NALF1: variants seen among roughly 807,000 people sequenced by gnomAD.
NALF1 encodes NALCN channel auxiliary factor 1, also known as family with sequence similarity 155 member A.
In NALF1, 3 loss-of-function variants were observed where a neutral mutation model predicts 48.4. The ratio of observed to expected loss-of-function variants is 0.06; its 90% CI spans 0.03 to 0.16. The LOEUF (loss-of-function observed/expected upper bound fraction) is 0.16. NALF1 is among the 10% of genes least tolerant of loss of function. The probability of loss-of-function intolerance (pLI) is 1.00; values close to 1 mark genes in which losing one functional copy is unlikely to be tolerated. For synonymous variants in NALF1, 262 were observed against 245.7 expected (o/e 1.07, Z -0.62); for missense variants, 526 against 571.5 (o/e 0.92, Z 0.81).
At chr13:107,634,233 C>A (rs1879914866) in intron 1 of NALF1, among the ~76,000 whole-genome samples, 1 of 151,818 alleles carries the variant, frequency 6.6e-6, no homozygotes, top group Non-Finnish European at 1.5e-5. Flanking sequence ...GACTAACTGC[C>A]TAGTTTACTC....
At chr13:107,523,247 C>T (rs1876306326) in intron 1 of NALF1, among the ~76,000 whole-genome samples, 1 of 152,140 alleles carries the variant, frequency 6.6e-6, no homozygotes, top group African/African-American at 2.4e-5. Context: ...AAAACATTGC[C>T]ATCAAACATT....
chr13:107,336,762 T>A (rs1882565489), intron 1 of NALF1, among the ~76,000 whole-genome samples: 1 of 152,178 alleles, frequency 6.6e-6, no homozygotes, highest in Non-Finnish European at 1.5e-5. Flanking sequence ...AGTCTAATTA[T>A]AAATTTAGGT....
intron 1 of NALF1, among the ~76,000 whole-genome samples, chr13:107,374,871 G>A (rs1185043089): frequency 6.6e-6 from 1 of 152,092 alleles, no homozygotes; most frequent in Non-Finnish European, 1.5e-5. Context: ...CCAGATGTGG[G>A]TTTCTCAGTC....
intron 1 of NALF1, among the ~76,000 whole-genome samples, chr13:107,272,574 C>T (rs984576554): frequency 6.6e-6 from 1 of 151,684 alleles, no homozygotes; most frequent in Non-Finnish European, 1.5e-5. Context: ...TCTTCACTTA[C>T]ATTTATATGA....
At chr13:107,371,725 T>C (rs1883251771) in intron 1 of NALF1, among the ~76,000 whole-genome samples, 1 of 152,160 alleles carries the variant, frequency 6.6e-6, no homozygotes, top group South Asian at 2.1e-4. Flanking sequence ...TGTACAGACC[T>C]TGAGAAGTCG....
chr13:107,499,967 C>T (rs375242698), intron 1 of NALF1, among the ~76,000 whole-genome samples: 4 of 151,998 alleles, frequency 2.6e-5, no homozygotes, highest in East Asian at 1.9e-4. Flanking sequence ...CCATTTAAAA[C>T]GTCAGATATA....
At chr13:107,799,889 T>C (rs1878549091) in intron 1 of NALF1, among the ~76,000 whole-genome samples, 1 of 152,130 alleles carries the variant, frequency 6.6e-6, no homozygotes, top group Non-Finnish European at 1.5e-5. Flanking sequence ...TTCAGTTACA[T>C]ATTTTGTAAC....
intron 1 of NALF1, among the ~76,000 whole-genome samples, chr13:107,843,654 C>T (rs1057168147): frequency 1.3e-5 from 2 of 152,212 alleles, no homozygotes; most frequent in Admixed American, 6.6e-5. Context: ...CTTATTTCAG[C>T]TTTGTTTTCC....
chr13:107,588,579 T>C (rs1878520701), intron 1 of NALF1, among the ~76,000 whole-genome samples: 1 of 152,122 alleles, frequency 6.6e-6, no homozygotes, highest in African/African-American at 2.4e-5. Flanking sequence ...GAAGGCTGTT[T>C]GGTGCCTGTA....
At chr13:107,492,628 C>T (rs1182430848) in intron 1 of NALF1, among the ~76,000 whole-genome samples, 2 of 152,136 alleles carry the variant, frequency 1.3e-5, no homozygotes, top group South Asian at 2.1e-4. Flanking sequence ...TTCTAATTGG[C>T]TATTTAATTT....
intron 1 of NALF1, among the ~76,000 whole-genome samples, chr13:107,408,778 G>A (rs923697723): frequency 1.3e-5 from 2 of 152,072 alleles, no homozygotes; most frequent in Non-Finnish European, 2.9e-5. Context: ...ACTACACAGT[G>A]AATAAATGAT....
At chr13:107,298,402 A>G (rs1359319416) in intron 1 of NALF1, among the ~76,000 whole-genome samples, 2 of 149,780 alleles carry the variant, frequency 1.3e-5, no homozygotes, top group African/African-American at 2.4e-5. Flanking sequence ...ACACACACAC[A>G]TACATATACA....
chr13:107,866,000 C>A lies in NALF1; in HGVS notation c.597G>T (p.Ala199=). ...AVCARNWSRG[A]AGGDGQEVRS... ...TCACCTCCTGCCCGTCCCCCCCGGC[C>A]GCCCCCCGACTCCAGTTCCTGGCGC... The change falls in exon 1 of 3, where the codon GCG becomes GCT. Residue 199 remains alanine, a synonymous_variant. Transcript: ENST00000375915. The A allele has an allele frequency of 1.2e-6, 2 of 1,612,178 alleles. No individual in the cohort carries two copies. The highest frequency in any genetic ancestry group is 1.7e-6 in the Non-Finnish European group (2 of 1,179,910).
intron 1 of NALF1, among the ~76,000 whole-genome samples, chr13:107,684,102 C>T (rs767485044): frequency 8.5e-5 from 13 of 152,164 alleles, no homozygotes; most frequent in Admixed American, 2.0e-4. Context: ...CAGGCAAGGG[C>T]GAGCCACCAG....
chr13:107,556,887 G>A (rs973637676), intron 1 of NALF1, among the ~76,000 whole-genome samples: 1 of 152,140 alleles, frequency 6.6e-6, no homozygotes, highest in African/African-American at 2.4e-5. Context: ...GAGAACTAGG[G>A]GGATTAGGAG....
intron 1 of NALF1, among the ~76,000 whole-genome samples, chr13:107,448,402 A>T (rs1181524889): frequency 2.0e-5 from 3 of 152,164 alleles, no homozygotes; most frequent in African/African-American, 7.2e-5. Context: ...ATGTTATGAA[A>T]GTATGAGAGA....
intron 1 of NALF1, among the ~76,000 whole-genome samples, chr13:107,658,030 C>A (rs2138473887): frequency 6.6e-6 from 1 of 152,298 alleles, no homozygotes; most frequent in African/African-American, 2.4e-5. Flanking sequence ...TTTGGAGGCA[C>A]TTTGTCTCCT....
At position 107,684,175 on chromosome 13, in the gene NALF1, C is replaced by A. The variant is rs544724887; in HGVS notation, c.915+181507G>T. ...CGCTCTGTTTTACCAACCTCCAGCA[C>A]CCGCAGGAAGATTAACCCCCAGCTC... On this transcript the variant is annotated intron_variant, in intron 1 of 2. Transcript: ENST00000375915. 2.0e-5 allele frequency among the ~76,000 whole-genome samples: 3 copies of A among 152,322 alleles called. No individual in the cohort carries two copies. The East Asian group carries it at 5.8e-4, about 29-fold the overall frequency.
chr13:107,859,914 C>CAAAAAAAAAAA (rs778833499), intron 1 of NALF1, among the ~76,000 whole-genome samples: 1 of 66,494 alleles, frequency 1.5e-5, no homozygotes. Context: ...AACTCCAACT[C>CAAAAAAAAAAA]AAAAAAAAAA....
Sources: gnomAD v4.1 joint callset for allele counts (sites outside exome capture counted in the v4.1 genomes callset) on GRCh38, gnomAD v4.1.1 for gene constraint, MANE v1.5 for transcripts, NCBI Gene and HGNC (gene_info 2026-07-23, HGNC 2026-07-21) for gene names.